The following MCTP1 variants were observed in gnomAD, a reference collection of about 807,000 sequenced individuals.
The protein encoded by MCTP1 is multiple C2 and transmembrane domain containing 1.
Under a neutral mutation model 120.6 loss-of-function variants are expected in MCTP1, and 69 were observed. The ratio of observed to expected loss-of-function variants is 0.57; its 90% CI spans 0.47 to 0.70. MCTP1 has a LOEUF of 0.70. Ranked by LOEUF, MCTP1 falls within the 30% of genes least tolerant of loss-of-function variation. MCTP1 has a pLI of 0.00. For missense variants in MCTP1, 1,203 were observed against 1,248.8 expected (o/e 0.96, Z 0.55); for synonymous variants, 529 against 493.1 (o/e 1.07, Z -0.96).
At chr5:94,910,167 T>C (rs1269021875) in intron 9 of MCTP1, among the ~76,000 whole-genome samples, 1 of 151,578 alleles carries the variant, frequency 6.6e-6, no homozygotes, top group Non-Finnish European at 1.5e-5. Flanking sequence ...TGTATATGCA[T>C]GTATACATAT....
intron 19 of MCTP1, among the ~76,000 whole-genome samples, chr5:94,778,498 C>T (rs938205866): frequency 6.6e-6 from 1 of 152,098 alleles, no homozygotes; most frequent in African/African-American, 2.4e-5. Context: ...CAAGCAGTCC[C>T]AGAAACTGCT....
chr5:95,022,887 G>T (rs979912606), intron 1 of MCTP1, among the ~76,000 whole-genome samples: 6 of 152,154 alleles, frequency 3.9e-5, no homozygotes, highest in African/African-American at 1.2e-4. Flanking sequence ...GGGAGAGAAG[G>T]ACAGTGGATC....
intron 2 of MCTP1, among the ~76,000 whole-genome samples, chr5:94,955,213 G>A (rs1014171036): frequency 4.6e-5 from 7 of 152,168 alleles, no homozygotes; most frequent in Non-Finnish European, 7.3e-5. Flanking sequence ...GGACCATGCC[G>A]TGAGGGACAG....
intron 18 of MCTP1, among the ~76,000 whole-genome samples, chr5:94,797,571 T>C (rs1275809383): frequency 6.6e-6 from 1 of 152,140 alleles, no homozygotes; most frequent in African/African-American, 2.4e-5. Flanking sequence ...TTTAAATATA[T>C]ATCCATAAAA....
chr5:94,773,373 T>C (rs1314469386), intron 19 of MCTP1, among the ~76,000 whole-genome samples: 1 of 152,194 alleles, frequency 6.6e-6, no homozygotes, highest in Non-Finnish European at 1.5e-5. Flanking sequence ...GGTTATAGTA[T>C]TGCAATAAAT....
At chr5:94,864,308 T>A (rs1796385912) in intron 17 of MCTP1, among the ~76,000 whole-genome samples, 1 of 151,940 alleles carries the variant, frequency 6.6e-6, no homozygotes, top group South Asian at 2.1e-4. Context: ...CATCCCTTCA[T>A]AATTCATGTT....
intron 1 of MCTP1, among the ~76,000 whole-genome samples, chr5:95,270,931 C>CAAAAAAAA (rs10655109): frequency 1.4e-5 from 2 of 145,566 alleles, no homozygotes; most frequent in African/African-American, 5.1e-5. Flanking sequence ...CTCTCTCTCT[C>CAAAAAAAA]AAAAAAAAAA....
intron 19 of MCTP1, chr5:94,739,458 A>G (rs1482580941): frequency 6.6e-6 from 1 of 152,130 alleles, no homozygotes; most frequent in Non-Finnish European, 1.5e-5. Context: ...TGGAATTACA[A>G]AATGTATTGA....
At chr5:94,971,269 G>A (rs531841820) in intron 2 of MCTP1, among the ~76,000 whole-genome samples, 12 of 152,004 alleles carry the variant, frequency 7.9e-5, no homozygotes, top group Middle Eastern at 6.8e-3. Flanking sequence ...AAATTACCAC[G>A]TAGAACACCA....
chr5:95,068,886 T>C, intron 1 of MCTP1: 1 of 1,010,034 alleles, frequency 9.9e-7, no homozygotes, highest in Admixed American at 3.5e-5. Flanking sequence ...CATTATTTAA[T>C]ATCAATAGTA....
At chr5:94,961,238 C>T (rs909947086) in intron 2 of MCTP1, among the ~76,000 whole-genome samples, 22 of 125,116 alleles carry the variant, frequency 1.8e-4, no homozygotes, top group Non-Finnish European at 3.3e-4. Flanking sequence ...CATATGGGCA[C>T]AGGGAAGGGA....
intron 17 of MCTP1, among the ~76,000 whole-genome samples, chr5:94,840,114 AT>A (rs982276981): frequency 3.9e-5 from 6 of 152,262 alleles, no homozygotes; most frequent in African/African-American, 1.4e-4. Flanking sequence ...CCGTCAATGA[AT>A]CCCATATGCT....
intron 18 of MCTP1, chr5:94,784,822 A>T (rs1213852004): frequency 1.3e-5 from 2 of 152,056 alleles, no homozygotes; most frequent in East Asian, 3.9e-4. Flanking sequence ...AAGCATTAGT[A>T]CTTACTGCTA....
At chr5:95,073,956 C>CA (rs1029259926) in intron 1 of MCTP1, among the ~76,000 whole-genome samples, 123 of 151,442 alleles carry the variant, frequency 8.1e-4, no homozygotes, top group African/African-American at 2.5e-3. Flanking sequence ...ACTGAAAATA[C>CA]AAAAAAAAAT....
At chr5:95,282,882 T>C (rs1394378021) in intron 1 of MCTP1, among the ~76,000 whole-genome samples, 1 of 152,236 alleles carries the variant, frequency 6.6e-6, no homozygotes. Context: ...TTTAATCTAC[T>C]AATAACTAAA....
At chr5:94,784,581 A>G (rs1210522288) in intron 18 of MCTP1, among the ~76,000 whole-genome samples, 3 of 152,032 alleles carry the variant, frequency 2.0e-5, no homozygotes, top group African/African-American at 7.2e-5. Context: ...TAAGAATAAT[A>G]AGATTCAATC....
chr5:95,204,403 G>A (rs1751396980), intron 1 of MCTP1, among the ~76,000 whole-genome samples: 1 of 152,130 alleles, frequency 6.6e-6, no homozygotes, highest in Non-Finnish European at 1.5e-5. Flanking sequence ...AAAACTCATA[G>A]CTACCCAGCA....
intron 19 of MCTP1, among the ~76,000 whole-genome samples, chr5:94,729,527 T>G (rs1158808838): frequency 6.6e-6 from 1 of 152,186 alleles, no homozygotes; most frequent in Admixed American, 6.5e-5. Flanking sequence ...TTCTTCCCTT[T>G]TCCCAGTCTC....
At chr5:95,167,804 T>C (rs112335777) in intron 1 of MCTP1, among the ~76,000 whole-genome samples, 467 of 152,372 alleles carry the variant, frequency 3.1e-3, no homozygotes, top group African/African-American at 0.011. Flanking sequence ...TAGCCCTTTG[T>C]CAGATGAGTA....
Sources: gnomAD v4.1 joint callset for allele counts (sites outside exome capture counted in the v4.1 genomes callset) on GRCh38, gnomAD v4.1.1 for gene constraint, MANE v1.5 for transcripts, NCBI Gene and HGNC (gene_info 2026-07-23, HGNC 2026-07-21) for gene names.